Variants in PRKCZ observed in about 807,000 individuals in gnomAD.
PRKCZ encodes the protein protein kinase C zeta type.
Under a neutral mutation model 79.5 loss-of-function variants are expected in PRKCZ, and 33 were observed. The ratio of observed to expected loss-of-function variants is 0.41; its 90% confidence interval spans 0.31 to 0.55. The LOEUF is 0.55. Ranked by LOEUF, PRKCZ falls within the 20% of genes least tolerant of loss-of-function variation. The pLI is 0.19. For missense variants in PRKCZ, 578 were observed against 813.5 expected, an observed-to-expected ratio of 0.71 and a Z score of 3.52; for synonymous variants, 342 against 320.9, an observed-to-expected ratio of 1.07 and a Z score of -0.70.
At chr1:2,083,102 C>T (rs1393037791) in intron 4 of PRKCZ, among the ~76,000 whole-genome samples, 2 of 152,162 alleles carry the variant, frequency 1.3e-5, no homozygotes, top group East Asian at 1.9e-4. Context: ...AAACACGTAT[C>T]GTTAGCGTTT....
At chr1:2,056,296 G>A (rs1357649859) in intron 2 of PRKCZ, among the ~76,000 whole-genome samples, 188 bp from the exon 3 acceptor site, 2 of 152,190 alleles carry the variant, frequency 1.3e-5, no homozygotes, top group African/African-American at 2.4e-5. Flanking sequence ...ACGCTGCACC[G>A]GGGGCCAGGT....
intron 4 of PRKCZ, among the ~76,000 whole-genome samples, chr1:2,117,998 C>CCTTTTTT (rs58233626): frequency 0.011 from 714 of 65,022 alleles, 123 homozygotes; most frequent in African/African-American, 0.037. Flanking sequence ...CCTATTATTT[C>CCTTTTTT]TTTTTTTTTT....
rs527373380 is a variant in PRKCZ, at chr1:2,083,044, T to C, written c.334+23453T>C. ...TAATAGGTCTGAACAGGAAGTTACA[T>C]TTAGGGCGGCTGTACAGTGAGTTTT... On this transcript the variant is annotated intron_variant, in intron 4 of 17. Coordinates refer to ENST00000378567, the MANE Select transcript of PRKCZ (RefSeq NM_002744.6). Among the ~76,000 whole-genome samples, 139 of 152,256 alleles carry C rather than the reference T, an allele frequency of 9.1e-4. No homozygotes were observed. In the Middle Eastern group the frequency reaches 0.021, roughly 23 times the overall value.
chr1:2,172,103 G>A lies in PRKCZ; in HGVS notation c.1110G>A (p.Arg370=), dbSNP rs1684556847. 3.1e-6 allele frequency: 5 copies of A among 1,613,382 alleles called. No individual in the cohort carries two copies. Among genetic ancestry groups the A allele is most frequent in the African/African-American group, 1.3e-5 (1 of 74,938 alleles). The change falls in exon 12 of 18, where the codon AGG becomes AGA. Residue 370 remains arginine (R), a synonymous_variant. Transcript: ENST00000378567. The surrounding 1 kb of genome is among the most constrained non-coding windows in gnomAD (Gnocchi z 7.8). ...TCGCCCTCAACTTCCTGCACGAGAG[G>A]GGGATCATCTACAGGGACCTGAAGC... ...ICIALNFLHE[R]GIIYRDLKLD...
Position 2,175,181 on chromosome 1 carries a change from C to T in PRKCZ, c.1486-43C>T, listed in dbSNP as rs766982131. Reference sequence around the variant, plus strand: ...CAAGGAGAGGGGGTCATGGGGCTTCCGGGATGGGGCTGACTTGTCCTTGTT... The same window carrying T: ...CAAGGAGAGGGGGTCATGGGGCTTCTGGGATGGGGCTGACTTGTCCTTGTT... On this transcript the variant is annotated intron_variant, in intron 15 of 17. Coordinates refer to ENST00000378567, the MANE Select transcript of PRKCZ (RefSeq NM_002744.6). 1.8e-5 allele frequency: 28 copies of T among 1,567,738 alleles called. No homozygotes were observed. In the South Asian group the frequency reaches 1.9e-4, roughly 11 times the overall value.
chr1:2,102,519 A>G (rs1444198670), intron 4 of PRKCZ, among the ~76,000 whole-genome samples: 1 of 151,546 alleles, frequency 6.6e-6, no homozygotes, highest in African/African-American at 2.4e-5. Context: ...TTTTTAGTAG[A>G]GATGGGGTTT....
intron 4 of PRKCZ, chr1:2,098,369 C>T (rs183213403): frequency 1.3e-5 from 2 of 152,366 alleles, no homozygotes; most frequent in East Asian, 1.9e-4. Flanking sequence ...TGGCCTGTGG[C>T]TTCTGCAGGG....
Position 2,124,254 on chromosome 1 carries a change from G to A in PRKCZ, c.335-11008G>A, listed in dbSNP as rs1213936022. Among the ~76,000 whole-genome samples, 5 of 138,956 alleles carry A rather than the reference G, an allele frequency of 3.6e-5. 2 individuals are homozygous for A. Among genetic ancestry groups the A allele is most frequent in the African/African-American group, 5.1e-5 (2 of 39,518 alleles). The allele number at this position is 138,956 out of a possible 152,430, so 91.2% of individuals were successfully genotyped here. A position where few individuals can be genotyped will look rare whatever the true frequency, so the allele number is the denominator to read the frequency against. ...GTGGTTAGGGTCACGGTGGTGGTTA[G>A]GGTCATGGCGGTAGTTAGGGTCACG... On this transcript the variant is annotated intron_variant, in intron 4 of 17. Coordinates refer to ENST00000378567, the MANE Select transcript of PRKCZ (RefSeq NM_002744.6).
intron 4 of PRKCZ, among the ~76,000 whole-genome samples, chr1:2,096,296 C>T (rs775940031): frequency 1.2e-4 from 18 of 151,930 alleles, no homozygotes; most frequent in South Asian, 6.2e-4. Flanking sequence ...CTGAGTGTCA[C>T]GGCAGCATCA....
chr1:2,138,980 G>A (rs1198507531), intron 5 of PRKCZ, among the ~76,000 whole-genome samples: 1 of 151,454 alleles, frequency 6.6e-6, no homozygotes, highest in African/African-American at 2.4e-5. Flanking sequence ...AAACCGGGCA[G>A]TGAGGACCAG....
At chr1:2,053,982 TG>T (rs1659924914) in intron 1 of PRKCZ, among the ~76,000 whole-genome samples, 1 of 152,142 alleles carries the variant, frequency 6.6e-6, no homozygotes, top group African/African-American at 2.4e-5. Flanking sequence ...CTGGGGCGTC[TG>T]TCCCCCAGGC....
chr1:2,175,988 A>T (rs1685423695), intron 16 of PRKCZ, among the ~76,000 whole-genome samples: 1 of 152,150 alleles, frequency 6.6e-6, no homozygotes, highest in African/African-American at 2.4e-5. Context: ...ATCAGCAGTT[A>T]CTGGACAGGA....
At chr1:2,058,819 C>T (rs1660418998) in intron 3 of PRKCZ, among the ~76,000 whole-genome samples, 1 of 152,100 alleles carries the variant, frequency 6.6e-6, no homozygotes, top group Admixed American at 6.5e-5. Context: ...CTGCTGGAAC[C>T]CGAGAGGTGG....
chr1:2,180,222 G>A (rs1463054475), intron 16 of PRKCZ, among the ~76,000 whole-genome samples: 1 of 152,222 alleles, frequency 6.6e-6, no homozygotes, highest in South Asian at 2.1e-4. Context: ...CAGGGCAGGC[G>A]TGGGGCCTCT....
At chr1:2,073,940 G>T in intron 4 of PRKCZ, 1 of 1,354,012 alleles carries the variant, frequency 7.4e-7, no homozygotes, top group South Asian at 1.6e-5. Context: ...GTGAGTCGGG[G>T]GCATCTCCCC....
chr1:2,071,274 C>T (rs575815232), intron 4 of PRKCZ: 14 of 391,950 alleles, frequency 3.6e-5, no homozygotes, highest in African/African-American at 1.9e-4. Context: ...CTTAGCAAGG[C>T]CGTCTTGCCG....
At chr1:2,109,456 A>G (rs1669273715) in intron 4 of PRKCZ, among the ~76,000 whole-genome samples, 1 of 152,152 alleles carries the variant, frequency 6.6e-6, no homozygotes, top group Non-Finnish European at 1.5e-5. Flanking sequence ...CTCCTCACTG[A>G]ATTGTCCTGA....
chr1:2,049,289 T>A (rs1196707439), upstream of PRKCZ: 1 of 151,792 alleles, frequency 6.6e-6, no homozygotes. Context: ...GGCGGAAGCT[T>A]TGCTGTAGAG....
chr1:2,143,455 C>G (rs761535649), intron 5 of PRKCZ: 2 of 152,246 alleles, frequency 1.3e-5, no homozygotes, highest in Non-Finnish European at 2.9e-5. Flanking sequence ...ATTGGAGGCT[C>G]TGGGCACATG....
Sources: allele counts gnomAD v4.1 joint callset (sites outside exome capture counted in the v4.1 genomes callset), GRCh38; gene constraint gnomAD v4.1.1; non-coding constraint Gnocchi (gnomAD v3.1); transcripts MANE v1.5; gene names NCBI Gene and HGNC (gene_info 2026-07-23, HGNC 2026-07-21).